The following KCNH5 variants were observed in gnomAD, a reference collection of about 807,000 sequenced individuals.
The protein encoded by KCNH5 is voltage-gated delayed rectifier potassium channel KCNH5.
Under a neutral mutation model 96.1 loss-of-function variants are expected in KCNH5, and 46 were observed. That is an observed-to-expected ratio of 0.48 (90% CI 0.38 to 0.61). KCNH5 has a LOEUF of 0.61. KCNH5 is among the 20% of genes least tolerant of loss of function. KCNH5 has a pLI of 0.00. For missense variants in KCNH5, 907 were observed against 1,225.8 expected, an observed-to-expected ratio of 0.74 and a Z score of 3.88; for synonymous variants, 439 against 449.8, an observed-to-expected ratio of 0.98 and a Z score of 0.30.
chr14:62,950,599 A>C, intron 6 of KCNH5, 40 bp from the exon 7 acceptor site: 1 of 1,478,762 alleles, frequency 6.8e-7, no homozygotes, highest in Non-Finnish European at 9.0e-7. Context: ...CCACATTTTC[A>C]GGAAAAAAAA....
At chr14:62,936,984 A>AG (rs1228747000) in intron 7 of KCNH5, among the ~76,000 whole-genome samples, 1 of 149,452 alleles carries the variant, frequency 6.7e-6, no homozygotes, top group Non-Finnish European at 1.5e-5. Flanking sequence ...CCATCTCAAA[A>AG]AAAAAAAAAA....
chr14:62,718,574 G>T (rs1245757512), intron 10 of KCNH5, among the ~76,000 whole-genome samples: 1 of 152,188 alleles, frequency 6.6e-6, no homozygotes, highest in Non-Finnish European at 1.5e-5. Flanking sequence ...GTGTCGGAAG[G>T]ATGTGGAGAA....
intron 1 of KCNH5, among the ~76,000 whole-genome samples, chr14:63,024,694 T>C (rs1053143204): frequency 6.6e-6 from 1 of 152,028 alleles, no homozygotes; most frequent in African/African-American, 2.4e-5. Flanking sequence ...TCTAGACACA[T>C]AGAGCCTACC....
intron 8 of KCNH5, among the ~76,000 whole-genome samples, chr14:62,823,922 T>C (rs1887165446): frequency 6.6e-6 from 1 of 152,102 alleles, no homozygotes; most frequent in Non-Finnish European, 1.5e-5. Flanking sequence ...AGAAGCTGGC[T>C]TTCTTTCAGC....
chr14:62,861,272 A>AT (rs112072677), intron 7 of KCNH5, among the ~76,000 whole-genome samples: 22,575 of 146,306 alleles, frequency 0.15, 1,891 homozygotes, highest in East Asian at 0.28. Flanking sequence ...CTAAAAATTG[A>AT]TTTTTTTTTT....
At chr14:63,026,689 A>G (rs1316718579) in intron 1 of KCNH5, among the ~76,000 whole-genome samples, 1 of 152,074 alleles carries the variant, frequency 6.6e-6, no homozygotes, top group African/African-American at 2.4e-5. Flanking sequence ...GGCTATTATC[A>G]AAAAGACAAA....
chr14:62,923,485 A>G (rs1889416291), intron 7 of KCNH5, among the ~76,000 whole-genome samples: 1 of 151,950 alleles, frequency 6.6e-6, no homozygotes, highest in Non-Finnish European at 1.5e-5. Context: ...AATTCATGTA[A>G]CCCATAAAAG....
At chr14:62,797,660 G>T (rs1437528968) in intron 9 of KCNH5, among the ~76,000 whole-genome samples, 2 of 151,070 alleles carry the variant, frequency 1.3e-5, no homozygotes, top group Admixed American at 6.6e-5. Flanking sequence ...AAAATAAGGA[G>T]ATTTTTAATT....
chr14:62,853,509 T>C (rs1333698076), intron 7 of KCNH5, among the ~76,000 whole-genome samples: 1 of 71,232 alleles, frequency 1.4e-5, no homozygotes, highest in Non-Finnish European at 2.7e-5. Flanking sequence ...TGGCCACATA[T>C]AATCATAGCA....
At chr14:62,771,487 T>A (rs1431819296) in intron 10 of KCNH5, among the ~76,000 whole-genome samples, 2 of 152,020 alleles carry the variant, frequency 1.3e-5, no homozygotes, top group African/African-American at 4.8e-5. Context: ...TAGCCGGGCA[T>A]GGTGGCAGGC....
Position 62,849,788 on chromosome 14 carries a change from G to A in KCNH5, c.1434C>T (p.Thr478=). ...TATTCAGCATCTCATGGTATCGGTT[G>A]GTGTTGGCATACATTTGCTGGAAAA... ...TTIFQQMYAN[T]NRYHEMLNNV... Residue 478 remains threonine (T), a synonymous_variant, in exon 8 of 11, where the codon ACC becomes ACT. Transcript: ENST00000322893. The A allele has an allele frequency of 6.2e-7, 1 of 1,613,782 alleles. No individual in the cohort carries two copies. The highest frequency in any genetic ancestry group is 1.1e-5 in the South Asian group (1 of 91,070).
At chr14:62,802,653 C>A in intron 8 of KCNH5, 72 bp from the exon 9 acceptor site, 1 of 1,536,236 alleles carries the variant, frequency 6.5e-7, no homozygotes, top group Non-Finnish European at 8.9e-7. Flanking sequence ...AATCATCCAA[C>A]AAATATTTAT....
At chr14:62,943,902 T>C (rs1348737559) in intron 7 of KCNH5, among the ~76,000 whole-genome samples, 1 of 152,130 alleles carries the variant, frequency 6.6e-6, no homozygotes, top group Non-Finnish European at 1.5e-5. Flanking sequence ...AACAGGAAGA[T>C]TTCCCATGTT....
Position 63,026,623 on chromosome 14 carries a change from A to G in KCNH5, c.74-9669T>C, listed in dbSNP as rs1891529314. Among the ~76,000 whole-genome samples, 3 of 152,246 alleles carry G rather than the reference A, an allele frequency of 2.0e-5. No homozygotes were observed. In the South Asian group the frequency reaches 6.2e-4, roughly 31 times the overall value. On this transcript the variant is annotated intron_variant, in intron 1 of 10. Coordinates refer to ENST00000322893, the MANE Select transcript of KCNH5 (RefSeq NM_139318.5). ...GAAAGAAAGCTTAACATCACTAATC[A>G]TCAGGGAAATGCAGATTAAAACCAC...
At chr14:62,860,563 A>G (rs1888013328) in intron 7 of KCNH5, among the ~76,000 whole-genome samples, 1 of 152,204 alleles carries the variant, frequency 6.6e-6, no homozygotes, top group African/African-American at 2.4e-5. Context: ...GGATCAAACA[A>G]TAGTTCCTAA....
intron 7 of KCNH5, among the ~76,000 whole-genome samples, chr14:62,943,507 T>C (rs1168396223): frequency 1.3e-5 from 2 of 152,178 alleles, no homozygotes; most frequent in African/African-American, 4.8e-5. Flanking sequence ...AAACACTTCA[T>C]GAAGGCATCA....
intron 7 of KCNH5, among the ~76,000 whole-genome samples, chr14:62,918,216 A>C (rs1282889998): frequency 6.6e-6 from 1 of 152,202 alleles, no homozygotes; most frequent in African/African-American, 2.4e-5. Context: ...AGTAAACTTT[A>C]AAGTAACTGA....
intron 8 of KCNH5, among the ~76,000 whole-genome samples, chr14:62,840,952 C>A (rs553161342): frequency 6.6e-6 from 1 of 151,950 alleles, no homozygotes; most frequent in African/African-American, 2.4e-5. Context: ...TTCTGCTGTG[C>A]CAGACAATGA....
chr14:62,828,200 T>C (rs1231485581), intron 8 of KCNH5, among the ~76,000 whole-genome samples: 1 of 152,138 alleles, frequency 6.6e-6, no homozygotes, highest in Non-Finnish European at 1.5e-5. Flanking sequence ...CTTGTTTTTC[T>C]ATATTTAATT....
Sources: gnomAD v4.1 joint callset for allele counts (sites outside exome capture counted in the v4.1 genomes callset) on GRCh38, gnomAD v4.1.1 for gene constraint, MANE v1.5 for transcripts, NCBI Gene and HGNC (gene_info 2026-07-23, HGNC 2026-07-21) for gene names.